The following ZBTB44 variants were observed in gnomAD, a reference collection of about 807,000 sequenced individuals.
ZBTB44 encodes the protein zinc finger and BTB domain containing 44.
Under a neutral mutation model 54.0 loss-of-function variants are expected in ZBTB44, and 15 were observed. The ratio of observed to expected loss-of-function variants is 0.28; its 90% CI spans 0.19 to 0.43. ZBTB44 has a LOEUF of 0.43. Among genes scored for constraint, ZBTB44 ranks in the 20% least tolerant of loss-of-function variants. The pLI, the probability that ZBTB44 is intolerant of heterozygous loss-of-function variation, is 1.00. For synonymous variants in ZBTB44, 230 were observed against 250.1 expected, an observed-to-expected ratio of 0.92 and a Z score of 0.76; for missense variants, 487 against 707.1, an observed-to-expected ratio of 0.69 and a Z score of 3.53.
chr11:130,255,748 C>T (rs774538000), intron 2 of ZBTB44, among the ~76,000 whole-genome samples: 1 of 151,974 alleles, frequency 6.6e-6, no homozygotes, highest in African/African-American at 2.4e-5. Flanking sequence ...TACAAACTAC[C>T]ATCAGGGAAT....
At chr11:130,300,580 T>C (rs1941935735) in intron 1 of ZBTB44, among the ~76,000 whole-genome samples, 1 of 151,742 alleles carries the variant, frequency 6.6e-6, no homozygotes, top group Non-Finnish European at 1.5e-5. Flanking sequence ...GGGAAACCTG[T>C]GAAAGAGATA....
intron 1 of ZBTB44, among the ~76,000 whole-genome samples, chr11:130,275,099 A>C (rs931580031): frequency 2.6e-5 from 4 of 152,140 alleles, no homozygotes; most frequent in African/African-American, 9.7e-5. Context: ...ATTGCTATAA[A>C]ATTTTTCATA....
rs398097912 is a variant in ZBTB44, at chr11:130,314,604, G to GA, written c.-287_-286insT. 4.2e-3 allele frequency: 1 copy of GA among 238 alleles called. No individual in the cohort carries two copies. Among genetic ancestry groups the GA allele is most frequent in the African/African-American group, 0.25 (1 of 4 alleles). The allele number at this position is 238 out of a possible 1,614,324, so 0.0% of individuals were successfully genotyped here. On this transcript the variant is annotated 5_prime_UTR_variant, in exon 1 of 8. Transcript: ENST00000357899. ...GGCACAGCCACCGGCGTGCCCGCGA[G>GA]TGGGAGTGCGAGGAGGCGGGGAGGG... is the stretch of plus-strand genomic sequence containing the variant.
rs919571155 is a variant in ZBTB44, at chr11:130,230,216, T to C, written c.*1548A>G. 6.6e-6 allele frequency: 1 copy of C among 151,920 alleles called. No homozygotes were observed. Among genetic ancestry groups the C allele is most frequent in the Non-Finnish European group, 1.5e-5 (1 of 67,886 alleles). 9.4% of individuals were successfully genotyped at this position (151,920 alleles called of 1,614,324 possible). On this transcript the variant is annotated 3_prime_UTR_variant, in exon 8 of 8. Coordinates refer to ENST00000357899, the MANE Select transcript of ZBTB44 (RefSeq NM_001301098.2). ...AATAGATAACTGGCCTCTATTTAGATTAAGAGAAAAAATTAGAAATAAAAG... is the reference window on the plus strand; with the variant it reads ...AATAGATAACTGGCCTCTATTTAGACTAAGAGAAAAAATTAGAAATAAAAG...
chr11:130,291,008 T>C (rs1261084849), intron 1 of ZBTB44, among the ~76,000 whole-genome samples: 1 of 152,232 alleles, frequency 6.6e-6, no homozygotes, highest in African/African-American at 2.4e-5. Context: ...ATTTTCCATA[T>C]GTATCATACA....
chr11:130,295,385 T>G lies in ZBTB44; in HGVS notation c.-57+18990A>C, dbSNP rs192011198. ...AGAAGCAGCAATGCAGTCTCCCAAT[T>G]CAGAATCAAAAGAGAAAAATGGTGA... On this transcript the variant is annotated intron_variant, in intron 1 of 7. Coordinates refer to ENST00000357899, the MANE Select transcript of ZBTB44 (RefSeq NM_001301098.2). Among the ~76,000 whole-genome samples the G allele has an allele frequency of 4.6e-5, 7 of 152,234 alleles. No individual in the cohort carries two copies. The East Asian group carries it at 1.2e-3, about 25-fold the overall frequency.
intron 1 of ZBTB44, among the ~76,000 whole-genome samples, chr11:130,288,141 G>A (rs552291161): frequency 6.6e-6 from 1 of 152,250 alleles, no homozygotes; most frequent in Non-Finnish European, 1.5e-5. Flanking sequence ...GGGAGGCTGA[G>A]GCAGGCAGAT....
intron 1 of ZBTB44, chr11:130,296,813 T>A: frequency 1.3e-6 from 1 of 750,580 alleles, no homozygotes; most frequent in Non-Finnish European, 2.5e-6. Flanking sequence ...TATGAGGTTA[T>A]GATTCCCATT....
At chr11:130,253,734 G>A (rs888937321) in intron 2 of ZBTB44, among the ~76,000 whole-genome samples, 64 of 152,212 alleles carry the variant, frequency 4.2e-4, no homozygotes, top group African/African-American at 1.5e-3. Context: ...AAGTTCACAT[G>A]GAACCAAAAA....
Position 130,233,099 on chromosome 11 carries a change from A to C in ZBTB44, c.*48+209T>G, listed in dbSNP as rs1318656535. 2.0e-5 allele frequency: 10 copies of C among 492,602 alleles called. No individual in the cohort carries two copies. The Admixed American group carries it at 2.3e-4, about 11-fold the overall frequency. The allele number at this position is 492,602 out of a possible 1,614,324, so 30.5% of individuals were successfully genotyped here. On this transcript the variant is annotated intron_variant, in intron 7 of 7. Coordinates refer to ENST00000357899, the MANE Select transcript of ZBTB44 (RefSeq NM_001301098.2). ...ATGAAAACATCCCCAACAACACATA[A>C]ACCTATATATAAAATATAGAATATC...
At chr11:130,243,188 CGCCAAGTGGCAAT>C in intron 2 of ZBTB44, among the ~76,000 whole-genome samples, 2 of 152,340 alleles carry the variant, frequency 1.3e-5, no homozygotes, top group South Asian at 4.1e-4. Flanking sequence ...TTGAAAACTA[CGCCAAGTGGCAAT>C]GCCAATATAT....
chr11:130,311,636 C>T (rs1942613194), intron 1 of ZBTB44, among the ~76,000 whole-genome samples: 1 of 152,070 alleles, frequency 6.6e-6, no homozygotes, highest in Non-Finnish European at 1.5e-5. Flanking sequence ...ATTAAACAAG[C>T]AAAAACCTTT....
intron 2 of ZBTB44, among the ~76,000 whole-genome samples, chr11:130,258,080 T>C (rs1460739967): frequency 6.6e-6 from 1 of 152,200 alleles, no homozygotes; most frequent in African/African-American, 2.4e-5. Context: ...ATTTAATAGA[T>C]GCTAAAATGC....
chr11:130,294,445 GT>G (rs1941504957), intron 1 of ZBTB44, among the ~76,000 whole-genome samples: 1 of 142,770 alleles, frequency 7.0e-6, no homozygotes, highest in Non-Finnish European at 1.5e-5. Flanking sequence ...AATAAATCCA[GT>G]GTTAAATGAG....
intron 1 of ZBTB44, among the ~76,000 whole-genome samples, chr11:130,297,869 G>A (rs1020086719): frequency 6.6e-6 from 1 of 152,068 alleles, no homozygotes; most frequent in Non-Finnish European, 1.5e-5. Flanking sequence ...TAAATGTTTT[G>A]ACTAAAAGTC....
At chr11:130,246,738 C>T (rs751654121) in intron 2 of ZBTB44, among the ~76,000 whole-genome samples, 1 of 152,142 alleles carries the variant, frequency 6.6e-6, no homozygotes, top group Non-Finnish European at 1.5e-5. Flanking sequence ...AAAAGAGAAA[C>T]ATCTTCCAAC....
At chr11:130,279,660 A>AAACCAACCAACCAACC (rs112723247) in intron 1 of ZBTB44, among the ~76,000 whole-genome samples, 1,690 of 151,780 alleles carry the variant, frequency 0.011, 16 homozygotes, top group African/African-American at 0.025. Context: ...CTCTGTCTCA[A>AAACCAACCAACCAACC]AACCAACCAA....
intron 1 of ZBTB44, among the ~76,000 whole-genome samples, chr11:130,302,042 A>G (rs1942015028): frequency 6.8e-6 from 1 of 147,384 alleles, no homozygotes; most frequent in Admixed American, 6.7e-5. Context: ...ACAGAGGGAG[A>G]CCCTGTCTCA....
At chr11:130,311,792 T>C (rs771640154) in intron 1 of ZBTB44, among the ~76,000 whole-genome samples, 5 of 152,014 alleles carry the variant, frequency 3.3e-5, no homozygotes, top group Non-Finnish European at 7.4e-5. Flanking sequence ...TTTCCAGAGG[T>C]GAGCAAAGAA....
Sources: gnomAD v4.1 joint callset for allele counts (sites outside exome capture counted in the v4.1 genomes callset) on GRCh38, gnomAD v4.1.1 for gene constraint, MANE v1.5 for transcripts, NCBI Gene and HGNC (gene_info 2026-07-23, HGNC 2026-07-21) for gene names.